The following IMMP2L variants were observed in gnomAD, a reference collection of about 807,000 sequenced individuals.
IMMP2L encodes the protein inner mitochondrial membrane peptidase subunit 2.
A neutral mutation model predicts 19.3 loss-of-function variants in IMMP2L; 18 were observed. The observed-to-expected ratio is 0.93, with a 90% CI of 0.64 to 1.38. The LOEUF is 1.38. Among genes scored for constraint, IMMP2L ranks in the 40% most tolerant of loss-of-function variants. The probability of loss-of-function intolerance (pLI) is 0.00; values close to 1 mark genes in which losing one functional copy is unlikely to be tolerated. For missense variants in IMMP2L, 233 were observed against 218.2 expected (o/e 1.07, Z -0.43); for synonymous variants, 76 against 73.0 (o/e 1.04, Z -0.21).
chr7:110,935,115 G>A (rs1394599989), intron 4 of IMMP2L, among the ~76,000 whole-genome samples: 1 of 152,144 alleles, frequency 6.6e-6, no homozygotes, highest in Non-Finnish European at 1.5e-5. Context: ...GATTTGTTAT[G>A]TTTTTTCAGT....
rs953178837 is a variant in IMMP2L, at chr7:110,669,895, A to G, written c.409-6174T>C. 3.3e-5 allele frequency among the ~76,000 whole-genome samples: 5 copies of G among 152,224 alleles called. No homozygotes were observed. The South Asian group carries it at 8.3e-4, about 25-fold the overall frequency. On this transcript the variant is annotated intron_variant, in intron 5 of 5. Coordinates refer to ENST00000405709, the MANE Select transcript of IMMP2L (RefSeq NM_032549.4). Reference sequence around the variant, plus strand: ...TAAATCAGGACTGTCCTTGACAAATAAGAATATAGTTGCCCTAATATAATT... The same window carrying G: ...TAAATCAGGACTGTCCTTGACAAATGAGAATATAGTTGCCCTAATATAATT...
intron 3 of IMMP2L, among the ~76,000 whole-genome samples, chr7:111,303,173 A>G (rs997223151): frequency 2.6e-5 from 4 of 152,110 alleles, no homozygotes; most frequent in African/African-American, 9.7e-5. Context: ...TGCTCTAAGT[A>G]TCCTCAAAGT....
chr7:111,158,348 C>G (rs1265123075), intron 3 of IMMP2L, among the ~76,000 whole-genome samples: 1 of 151,968 alleles, frequency 6.6e-6, no homozygotes, highest in East Asian at 1.9e-4. Flanking sequence ...AAACTCAACA[C>G]TAATGACAGT....
chr7:111,385,964 G>C (rs1831709213), intron 3 of IMMP2L, among the ~76,000 whole-genome samples: 1 of 151,654 alleles, frequency 6.6e-6, no homozygotes, highest in South Asian at 2.1e-4. Flanking sequence ...CTGTCACCCA[G>C]GCTGGACTGT....
At chr7:111,159,934 T>C (rs1013805014) in intron 3 of IMMP2L, among the ~76,000 whole-genome samples, 2 of 152,098 alleles carry the variant, frequency 1.3e-5, no homozygotes, top group African/African-American at 2.4e-5. Context: ...CACATCTCAA[T>C]TCAGACTAGC....
At chr7:111,517,915 G>A (rs1276167371) in intron 2 of IMMP2L, among the ~76,000 whole-genome samples, 1 of 152,044 alleles carries the variant, frequency 6.6e-6, no homozygotes, top group East Asian at 1.9e-4. Context: ...TTATTGTGTC[G>A]AGCATTGCAA....
At chr7:110,729,955 G>A (rs1010645146) in intron 5 of IMMP2L, among the ~76,000 whole-genome samples, 6 of 150,960 alleles carry the variant, frequency 4.0e-5, no homozygotes, top group Admixed American at 1.3e-4. Context: ...AAAAAGCAAC[G>A]CATCTTTTAT....
chr7:111,544,414 C>T (rs1848739172), intron 1 of IMMP2L, among the ~76,000 whole-genome samples: 1 of 152,072 alleles, frequency 6.6e-6, no homozygotes. Context: ...TTAAGTATGG[C>T]TCCTACCGAC....
chr7:111,379,566 A>T (rs930947910), intron 3 of IMMP2L, among the ~76,000 whole-genome samples: 1 of 151,800 alleles, frequency 6.6e-6, no homozygotes, highest in African/African-American at 2.4e-5. Context: ...TCCCTTATCA[A>T]GTGAATATAG....
intron 5 of IMMP2L, among the ~76,000 whole-genome samples, chr7:110,865,588 A>C (rs2129543268): frequency 6.6e-6 from 1 of 152,174 alleles, no homozygotes; most frequent in South Asian, 2.1e-4. Flanking sequence ...GATTAAATAA[A>C]ACAAAACTTT....
intron 1 of IMMP2L, among the ~76,000 whole-genome samples, chr7:111,546,588 T>C (rs1848954943): frequency 6.6e-6 from 1 of 152,168 alleles, no homozygotes; most frequent in South Asian, 2.1e-4. Flanking sequence ...ATATACTTTG[T>C]TTTCTTAATT....
chr7:110,859,508 C>T (rs1807155571), intron 5 of IMMP2L, among the ~76,000 whole-genome samples: 1 of 151,180 alleles, frequency 6.6e-6, no homozygotes, highest in Non-Finnish European at 1.5e-5. Context: ...TTTGGGAGGC[C>T]GAGGCAGGCA....
intron 5 of IMMP2L, among the ~76,000 whole-genome samples, chr7:110,856,832 C>T (rs1369279797): frequency 1.3e-5 from 2 of 152,016 alleles, no homozygotes. Flanking sequence ...GATGAGATGG[C>T]TTGGTGTTCA....
At chr7:110,809,513 C>T (rs1801877286) in intron 5 of IMMP2L, among the ~76,000 whole-genome samples, 1 of 151,842 alleles carries the variant, frequency 6.6e-6, no homozygotes. Context: ...CCTAAATAAA[C>T]ATATATTGTA....
chr7:110,863,462 A>T (rs2190528), intron 5 of IMMP2L, among the ~76,000 whole-genome samples: 92,168 of 151,466 alleles, frequency 0.61, 29,952 homozygotes, highest in East Asian at 0.84. Context: ...TAACTTATAA[A>T]GGTTTGACTC....
intron 3 of IMMP2L, among the ~76,000 whole-genome samples, chr7:111,103,915 A>C (rs1426195491): frequency 6.6e-6 from 1 of 151,628 alleles, no homozygotes; most frequent in Non-Finnish European, 1.5e-5. Context: ...CTTCTATTGA[A>C]CACCATTTTG....
chr7:111,444,224 C>T (rs569407158), intron 3 of IMMP2L, among the ~76,000 whole-genome samples: 30 of 152,090 alleles, frequency 2.0e-4, no homozygotes, highest in African/African-American at 7.2e-4. Context: ...TTCATGTATC[C>T]GCTGATACAT....
chr7:111,491,336 AT>A (rs1303725106), intron 2 of IMMP2L, among the ~76,000 whole-genome samples: 1 of 152,022 alleles, frequency 6.6e-6, no homozygotes. Context: ...TTATATGCAA[AT>A]TTTTAACTGC....
intron 1 of IMMP2L, among the ~76,000 whole-genome samples, chr7:111,551,385 G>C (rs137998442): frequency 1.5e-3 from 231 of 152,244 alleles, no homozygotes; most frequent in African/African-American, 4.5e-3. Context: ...AACTGGGCAA[G>C]AGTTCAATGA....
Sources: gnomAD v4.1 joint callset for allele counts (sites outside exome capture counted in the v4.1 genomes callset) on GRCh38, gnomAD v4.1.1 for gene constraint, MANE v1.5 for transcripts, NCBI Gene and HGNC (gene_info 2026-07-23, HGNC 2026-07-21) for gene names.